TSHR: variants seen among roughly 807,000 people sequenced by gnomAD.
TSHR encodes the protein thyroid stimulating hormone receptor.
In TSHR, 51 loss-of-function variants were observed where a neutral mutation model predicts 64.1. The ratio of observed to expected loss-of-function variants is 0.80; its 90% confidence interval spans 0.64 to 1.01. The LOEUF (loss-of-function observed/expected upper bound fraction) is 1.01, where lower values mean the gene tolerates loss of function less well. TSHR is among the 50% of genes least tolerant of loss of function. TSHR has a pLI of 0.00. For missense variants in TSHR, 877 were observed against 942.8 expected (o/e 0.93, Z 0.91); for synonymous variants, 361 against 361.9 (o/e 1.00, Z 0.03).
chr14:81,138,361 T>C (rs1306537407), intron 8 of TSHR, among the ~76,000 whole-genome samples: 1 of 151,744 alleles, frequency 6.6e-6, no homozygotes, highest in Non-Finnish European at 1.5e-5. Flanking sequence ...CGGCTAATTT[T>C]TGTGTTTTTA....
At chr14:81,122,145 G>A (rs1260746075) in intron 8 of TSHR, among the ~76,000 whole-genome samples, 1 of 131,012 alleles carries the variant, frequency 7.6e-6, no homozygotes. Context: ...CCGGGTTCAA[G>A]CAATTCTCCT....
At chr14:80,975,564 T>C (rs1887824318) in intron 1 of TSHR, among the ~76,000 whole-genome samples, 1 of 152,220 alleles carries the variant, frequency 6.6e-6, no homozygotes, top group South Asian at 2.1e-4. Context: ...TAAGGAGCTT[T>C]CTCATGTTGC....
At chr14:81,108,892 A>G in intron 8 of TSHR, 2 of 1,433,650 alleles carry the variant, frequency 1.4e-6, no homozygotes, top group Non-Finnish European at 9.1e-7. Flanking sequence ...TCTGTGGAAG[A>G]ACTTACAATC....
chr14:81,120,647 T>C (rs1890752429), intron 8 of TSHR, among the ~76,000 whole-genome samples: 1 of 152,202 alleles, frequency 6.6e-6, no homozygotes, highest in Non-Finnish European at 1.5e-5. Context: ...CTTCTTTCTT[T>C]AGGATTTGGA....
chr14:81,114,050 C>A (rs556057457), intron 8 of TSHR, among the ~76,000 whole-genome samples: 3 of 150,892 alleles, frequency 2.0e-5, no homozygotes, highest in Non-Finnish European at 4.4e-5. Context: ...TCCACTCACT[C>A]AACTCATAGA....
At chr14:81,062,759 T>G (rs1165269923) in intron 2 of TSHR, among the ~76,000 whole-genome samples, 1 of 152,198 alleles carries the variant, frequency 6.6e-6, no homozygotes, top group Non-Finnish European at 1.5e-5. Flanking sequence ...TTTTCCATAT[T>G]GGGTTGACAA....
intron 1 of TSHR, among the ~76,000 whole-genome samples, chr14:81,055,831 A>C (rs556203428): frequency 1.3e-5 from 2 of 152,306 alleles, no homozygotes; most frequent in East Asian, 3.9e-4. Context: ...CATAGGTTGA[A>C]GGGACTTGCC....
intron 8 of TSHR, among the ~76,000 whole-genome samples, chr14:81,125,918 G>A (rs1891003511): frequency 6.6e-6 from 1 of 151,882 alleles, no homozygotes; most frequent in Non-Finnish European, 1.5e-5. Flanking sequence ...GGAAGATCAT[G>A]AAAGAATTTG....
chr14:81,026,217 T>C (rs533876635), intron 1 of TSHR, among the ~76,000 whole-genome samples: 1 of 152,256 alleles, frequency 6.6e-6, no homozygotes, highest in Non-Finnish European at 1.5e-5. Flanking sequence ...TTCTGATTTA[T>C]CTATTGCTGT....
intron 1 of TSHR, among the ~76,000 whole-genome samples, chr14:81,023,370 A>G (rs1883875745): frequency 6.6e-6 from 1 of 152,128 alleles, no homozygotes; most frequent in African/African-American, 2.4e-5. Flanking sequence ...ATGGGAATTC[A>G]AGATAAATTT....
chr14:80,955,865 G>T lies in TSHR; in HGVS notation c.170+15G>T. ...ACGCAGACTCTGTGAGTACCCGGGAGAGATCAGGGTAGGACCCAGAGATCA... is the reference window on the plus strand; with the variant it reads ...ACGCAGACTCTGTGAGTACCCGGGATAGATCAGGGTAGGACCCAGAGATCA... On this transcript the variant is annotated intron_variant, in intron 1 of 9. Transcript: ENST00000298171. The T allele has an allele frequency of 1.2e-6, 2 of 1,614,156 alleles. No individual in the cohort carries two copies. Among genetic ancestry groups the T allele is most frequent in the Non-Finnish European group, 1.7e-6 (2 of 1,180,040 alleles).
intron 1 of TSHR, among the ~76,000 whole-genome samples, chr14:80,988,064 T>C (rs367929552): frequency 6.6e-6 from 1 of 152,234 alleles, no homozygotes; most frequent in East Asian, 1.9e-4. Context: ...TAGAGGTCTC[T>C]TTTGACCTAT....
chr14:81,068,358 C>A (rs368593606), intron 3 of TSHR, 30 bp downstream of exon 3: 130 of 1,604,740 alleles, frequency 8.1e-5, no homozygotes, highest in Middle Eastern at 5.0e-4. Flanking sequence ...CAGCATAGAC[C>A]TAAGCCACAA....
chr14:81,135,066 C>T (rs1030987909), intron 8 of TSHR, among the ~76,000 whole-genome samples: 4 of 152,060 alleles, frequency 2.6e-5, no homozygotes, highest in Non-Finnish European at 5.9e-5. Flanking sequence ...TGAAGAAAGG[C>T]GATTTGCAAC....
At chr14:81,105,128 C>T in intron 7 of TSHR, 2 of 985,258 alleles carry the variant, frequency 2.0e-6, no homozygotes, top group Non-Finnish European at 2.4e-6. Flanking sequence ...GTAGGTTAAC[C>T]AGATAGCCTA....
At chr14:81,032,494 T>C in intron 1 of TSHR, 1 of 348,844 alleles carries the variant, frequency 2.9e-6, no homozygotes, top group Non-Finnish European at 5.7e-6. Flanking sequence ...GTTGTCAGAG[T>C]TTTCCATTTA....
chr14:81,036,075 G>A (rs1447038964), intron 1 of TSHR, among the ~76,000 whole-genome samples: 1 of 152,010 alleles, frequency 6.6e-6, no homozygotes, highest in Admixed American at 6.6e-5. Context: ...GAACAACCAA[G>A]GCCAGCTGGA....
At chr14:80,972,623 A>G (rs1427863700) in intron 1 of TSHR, among the ~76,000 whole-genome samples, 1 of 152,188 alleles carries the variant, frequency 6.6e-6, no homozygotes, top group Admixed American at 6.5e-5. Flanking sequence ...TTCACACAAT[A>G]TAAAATTAAC....
At chr14:80,982,799 A>G in intron 1 of TSHR, 1 of 545,498 alleles carries the variant, frequency 1.8e-6, no homozygotes, top group East Asian at 3.4e-5. Flanking sequence ...AGGAACACTA[A>G]CTCATGCTCA....
Sources: gnomAD v4.1 joint callset for allele counts (sites outside exome capture counted in the v4.1 genomes callset) on GRCh38, gnomAD v4.1.1 for gene constraint, MANE v1.5 for transcripts, NCBI Gene and HGNC (gene_info 2026-07-23, HGNC 2026-07-21) for gene names.